Variants in PIGL observed in about 807,000 individuals in gnomAD.
The protein encoded by PIGL is N-acetylglucosaminyl-phosphatidylinositol de-N-acetylase.
A neutral mutation model predicts 31.1 loss-of-function variants in PIGL; 22 were observed. That is an observed-to-expected ratio of 0.71 (90% CI 0.51 to 1.01). The LOEUF is 1.01. PIGL is among the 50% of genes least tolerant of loss of function. The pLI is 0.00. For synonymous variants in PIGL, 131 were observed against 117.4 expected (o/e 1.12, Z -0.75); for missense variants, 302 against 315.9 (o/e 0.96, Z 0.33).
chr17:16,248,601 T>G (rs1296008284), intron 2 of PIGL, among the ~76,000 whole-genome samples: 11 of 152,184 alleles, frequency 7.2e-5, no homozygotes, highest in East Asian at 5.8e-4. Flanking sequence ...TCCAGTCTCC[T>G]TTTCCTTTCC....
intron 2 of PIGL, among the ~76,000 whole-genome samples, chr17:16,244,093 G>C (rs1043239885): frequency 4.6e-5 from 7 of 152,196 alleles, no homozygotes; most frequent in African/African-American, 1.7e-4. Flanking sequence ...TCCATCAAGT[G>C]CAGGGTCTGC....
At chr17:16,255,604 G>A (rs370588713) in intron 2 of PIGL, among the ~76,000 whole-genome samples, 1 of 152,254 alleles carries the variant, frequency 6.6e-6, no homozygotes, top group East Asian at 1.9e-4. Context: ...GATCATGTTA[G>A]TAATTAAACT....
chr17:16,297,679 T>C (rs1450335029), intron 2 of PIGL, among the ~76,000 whole-genome samples: 2 of 152,216 alleles, frequency 1.3e-5, no homozygotes, highest in Admixed American at 6.5e-5. Context: ...AACTGAACTT[T>C]GTCCTGATCC....
At chr17:16,237,101 C>CTTTTTTTTTT (rs71150281) in intron 2 of PIGL, among the ~76,000 whole-genome samples, 1 of 58,144 alleles carries the variant, frequency 1.7e-5, no homozygotes. Flanking sequence ...CCACACCTGG[C>CTTTTTTTTTT]TTTTTTTTTT....
chr17:16,236,547 A>T (rs960420411), intron 2 of PIGL, among the ~76,000 whole-genome samples: 1 of 152,142 alleles, frequency 6.6e-6, no homozygotes, highest in Non-Finnish European at 1.5e-5. Flanking sequence ...CCAGCATAGT[A>T]GGAGTGTTCA....
intron 3 of PIGL, among the ~76,000 whole-genome samples, chr17:16,303,546 T>A (rs1279543109): frequency 1.3e-5 from 2 of 152,088 alleles, no homozygotes; most frequent in Non-Finnish European, 2.9e-5. Flanking sequence ...TTCTCCTTTT[T>A]TTTTTTTCCT....
chr17:16,321,531 T>C (rs1207271011), intron 6 of PIGL, among the ~76,000 whole-genome samples: 3 of 151,726 alleles, frequency 2.0e-5, no homozygotes, highest in Non-Finnish European at 4.4e-5. Context: ...TGAGCCACCA[T>C]GCCCGGCCCA....
chr17:16,318,881 A>T (rs550006651), intron 6 of PIGL, among the ~76,000 whole-genome samples: 23 of 151,402 alleles, frequency 1.5e-4, no homozygotes, highest in African/African-American at 5.3e-4. Flanking sequence ...TGGTGAGCTG[A>T]GATCATGCCA....
chr17:16,241,133 A>G (rs2092721475), intron 2 of PIGL, among the ~76,000 whole-genome samples: 1 of 150,988 alleles, frequency 6.6e-6, no homozygotes, highest in African/African-American at 2.4e-5. Flanking sequence ...AAAAAAAAAA[A>G]AAAGAAGTGG....
chr17:16,226,392 C>T (rs1568777621), intron 1 of PIGL, among the ~76,000 whole-genome samples: 2 of 152,170 alleles, frequency 1.3e-5, no homozygotes, highest in African/African-American at 4.8e-5. Context: ...TTCCTCACAA[C>T]CTGGTGGCTG....
chr17:16,222,090 G>T (rs1415872431), intron 1 of PIGL, among the ~76,000 whole-genome samples: 1 of 152,084 alleles, frequency 6.6e-6, no homozygotes, highest in African/African-American at 2.4e-5. Context: ...TCATTCAAAC[G>T]TGTGGATTAA....
chr17:16,309,686 A>G (rs11655325), intron 3 of PIGL, among the ~76,000 whole-genome samples: 84,361 of 151,722 alleles, frequency 0.56, 24,194 homozygotes, highest in African/African-American at 0.68. Context: ...GCTTGAACCC[A>G]GGAGGTAGAA....
chr17:16,254,383 C>T (rs1186061320), intron 2 of PIGL, among the ~76,000 whole-genome samples: 1 of 152,136 alleles, frequency 6.6e-6, no homozygotes, highest in Non-Finnish European at 1.5e-5. Context: ...ATTCTCCTAC[C>T]TCAGCCTCCC....
At chr17:16,239,386 G>A (rs977158808) in intron 2 of PIGL, among the ~76,000 whole-genome samples, 5 of 151,832 alleles carry the variant, frequency 3.3e-5, no homozygotes, top group African/African-American at 4.8e-5. Flanking sequence ...AGGAAGCTAA[G>A]GCAGGAGAAT....
intron 2 of PIGL, among the ~76,000 whole-genome samples, chr17:16,263,203 G>T (rs539447908): frequency 7.2e-5 from 11 of 152,030 alleles, no homozygotes; most frequent in African/African-American, 2.7e-4. Flanking sequence ...TTATTTCATT[G>T]AGATAGGATC....
At chr17:16,247,862 G>A (rs980324823) in intron 2 of PIGL, among the ~76,000 whole-genome samples, 2 of 152,054 alleles carry the variant, frequency 1.3e-5, no homozygotes. Flanking sequence ...TCACACCAGA[G>A]TGCTCTCTTC....
chr17:16,299,151 T>G (rs2092994271), intron 2 of PIGL, among the ~76,000 whole-genome samples: 2 of 151,474 alleles, frequency 1.3e-5, no homozygotes, highest in Non-Finnish European at 2.9e-5. Context: ...GAGGTTGCGG[T>G]GAGCCGAGAT....
At chr17:16,225,989 C>T (rs1016928922) in intron 1 of PIGL, among the ~76,000 whole-genome samples, 3 of 146,426 alleles carry the variant, frequency 2.0e-5, no homozygotes, top group African/African-American at 7.6e-5. Context: ...GCCTGGGCAA[C>T]ATAGCCAGAC....
chr17:16,291,376 G>A (rs961722934), intron 2 of PIGL, among the ~76,000 whole-genome samples: 1 of 150,038 alleles, frequency 6.7e-6, no homozygotes, highest in Non-Finnish European at 1.5e-5. Context: ...GCGTGGTGGC[G>A]GGCACCTGTA....
Sources: allele counts gnomAD v4.1 joint callset (sites outside exome capture counted in the v4.1 genomes callset), GRCh38; gene constraint gnomAD v4.1.1; transcripts MANE v1.5; gene names NCBI Gene and HGNC (gene_info 2026-07-23, HGNC 2026-07-21).